The following NBEA variants were observed in gnomAD, a reference collection of about 807,000 sequenced individuals.
NBEA encodes neurobeachin, also known as lysosomal-trafficking regulator 2.
Under a neutral mutation model 343.4 loss-of-function variants are expected in NBEA, and 44 were observed. The observed-to-expected ratio is 0.13, with a 90% CI of 0.10 to 0.16. The LOEUF (loss-of-function observed/expected upper bound fraction) is 0.16. Among genes scored for constraint, NBEA ranks in the 10% least tolerant of loss-of-function variants. The pLI, the probability that NBEA is intolerant of heterozygous loss-of-function variation, is 1.00. For missense variants in NBEA, 2,555 were observed against 3,631.3 expected (o/e 0.70, Z 7.62); for synonymous variants, 1,175 against 1,238.7 (o/e 0.95, Z 1.08).
At chr13:35,101,483 A>G (rs1279124757) in intron 11 of NBEA, among the ~76,000 whole-genome samples, 2 of 151,776 alleles carry the variant, frequency 1.3e-5, no homozygotes, top group Non-Finnish European at 3.0e-5. Context: ...TGTGCTTATT[A>G]GCTATTTATT....
chr13:35,599,530 T>C (rs1008057539), intron 47 of NBEA, among the ~76,000 whole-genome samples: 4 of 152,220 alleles, frequency 2.6e-5, no homozygotes, highest in Non-Finnish European at 5.9e-5. Context: ...CTCTATCACA[T>C]GTTTCTATAG....
At chr13:35,261,512 A>AAAT (rs977099676) in intron 34 of NBEA, among the ~76,000 whole-genome samples, 2 of 152,072 alleles carry the variant, frequency 1.3e-5, no homozygotes, top group South Asian at 2.1e-4. Context: ...CTCCATCTCA[A>AAAT]AATAATAATA....
chr13:35,270,749 C>G (rs1184069604), intron 34 of NBEA, among the ~76,000 whole-genome samples: 1 of 152,188 alleles, frequency 6.6e-6, no homozygotes, highest in Admixed American at 6.5e-5. Context: ...TGAGATTGAC[C>G]TGGGATGCTG....
intron 45 of NBEA, among the ~76,000 whole-genome samples, chr13:35,568,367 T>G (rs1003269301): frequency 1.3e-5 from 2 of 152,170 alleles, no homozygotes; most frequent in Non-Finnish European, 2.9e-5. Context: ...TAGAAATAAA[T>G]TGCTAGCAAA....
At chr13:35,351,395 C>T (rs941806571) in intron 37 of NBEA, among the ~76,000 whole-genome samples, 6 of 151,790 alleles carry the variant, frequency 4.0e-5, no homozygotes, top group African/African-American at 1.5e-4. Flanking sequence ...AGAAATATTT[C>T]TCTTTATGTT....
At chr13:34,952,791 G>C (rs945769837) in intron 1 of NBEA, among the ~76,000 whole-genome samples, 11 of 151,884 alleles carry the variant, frequency 7.2e-5, no homozygotes, top group Admixed American at 6.6e-4. Context: ...AAATAACGCA[G>C]CAGATTAAAA....
chr13:35,176,964 T>C (rs950580896), intron 27 of NBEA, 32 bp from the exon 28 acceptor site: 2 of 1,352,192 alleles, frequency 1.5e-6, no homozygotes, highest in Middle Eastern at 1.8e-4. Context: ...CTGTAATATA[T>C]TATCTATTCA....
chr13:35,308,530 A>G (rs1051588045), intron 35 of NBEA, among the ~76,000 whole-genome samples: 5 of 124,918 alleles, frequency 4.0e-5, no homozygotes, highest in African/African-American at 9.1e-5. Flanking sequence ...ATGTATATAT[A>G]TGTATATATG....
chr13:35,133,683 G>A (rs2067553876), intron 17 of NBEA, among the ~76,000 whole-genome samples: 1 of 152,002 alleles, frequency 6.6e-6, no homozygotes, highest in Non-Finnish European at 1.5e-5. Context: ...AGTAAAGCAA[G>A]TTGCAGAAGG....
At chr13:35,010,720 T>G in intron 1 of NBEA, among the ~76,000 whole-genome samples, 1 of 74,190 alleles carries the variant, frequency 1.3e-5, no homozygotes, top group Non-Finnish European at 2.3e-5. Flanking sequence ...CAAGACTGGG[T>G]CTCTACAAAA....
intron 48 of NBEA, among the ~76,000 whole-genome samples, chr13:35,608,796 A>G (rs1363627213): frequency 6.6e-6 from 1 of 150,972 alleles, no homozygotes; most frequent in African/African-American, 2.5e-5. Context: ...AGTGCCTCTT[A>G]CCTGTCAGGC....
intron 47 of NBEA, among the ~76,000 whole-genome samples, chr13:35,601,476 G>C (rs1431879626): frequency 6.6e-6 from 1 of 152,034 alleles, no homozygotes; most frequent in African/African-American, 2.4e-5. Flanking sequence ...AGAATGACTA[G>C]ATGGTGGCCG....
At chr13:35,024,846 C>G (rs2061964874) in intron 1 of NBEA, among the ~76,000 whole-genome samples, 1 of 152,006 alleles carries the variant, frequency 6.6e-6, no homozygotes, top group Non-Finnish European at 1.5e-5. Flanking sequence ...CTATTATTTG[C>G]TGATTTTTGT....
intron 39 of NBEA, among the ~76,000 whole-genome samples, chr13:35,434,276 G>C (rs1176217891): frequency 6.6e-6 from 1 of 151,890 alleles, no homozygotes; most frequent in Non-Finnish European, 1.5e-5. Flanking sequence ...TGAACCTAAA[G>C]TAAAAAATAA....
intron 1 of NBEA, among the ~76,000 whole-genome samples, chr13:35,020,653 G>A (rs2061806181): frequency 6.6e-6 from 1 of 152,234 alleles, no homozygotes; most frequent in East Asian, 1.9e-4. Flanking sequence ...GAGTAGCTTG[G>A]ACTACAGCTG....
At chr13:35,434,181 C>G (rs1305384239) in intron 39 of NBEA, among the ~76,000 whole-genome samples, 1 of 151,810 alleles carries the variant, frequency 6.6e-6, no homozygotes, top group African/African-American at 2.4e-5. Context: ...GTGTCAAAGC[C>G]TATAAGAAAC....
intron 1 of NBEA, 139 bp downstream of exon 1, chr13:34,943,253 C>G (rs1370194255): frequency 8.5e-7 from 1 of 1,172,912 alleles, no homozygotes; most frequent in Non-Finnish European, 1.2e-6. Flanking sequence ...GCCGGTATTG[C>G]CCAGCGGGTG....
intron 10 of NBEA, among the ~76,000 whole-genome samples, chr13:35,079,631 T>A (rs1489732191): frequency 6.6e-6 from 1 of 152,144 alleles, no homozygotes; most frequent in African/African-American, 2.4e-5. Flanking sequence ...AATAAAAATG[T>A]GGCTATTTTG....
chr13:34,958,423 G>C (rs2152489300), intron 1 of NBEA, among the ~76,000 whole-genome samples: 1 of 151,696 alleles, frequency 6.6e-6, no homozygotes, highest in African/African-American at 2.4e-5. Context: ...ATTAAGTTTT[G>C]ACTGGGGGAA....
Sources: allele counts gnomAD v4.1 joint callset (sites outside exome capture counted in the v4.1 genomes callset), GRCh38; gene constraint gnomAD v4.1.1; transcripts MANE v1.5; gene names NCBI Gene and HGNC (gene_info 2026-07-23, HGNC 2026-07-21).